Variants in SGTA observed in about 807,000 individuals in gnomAD.
SGTA encodes the protein small glutamine-rich tetratricopeptide repeat-containing protein alpha.
Under a neutral mutation model 44.3 loss-of-function variants are expected in SGTA, and 22 were observed. The observed-to-expected ratio is 0.50, with a 90% CI of 0.36 to 0.71. SGTA has a LOEUF of 0.71. SGTA is among the 30% of genes least tolerant of loss of function. The pLI is 0.00. For missense variants in SGTA, 341 were observed against 435.9 expected (o/e 0.78, Z 1.94); for synonymous variants, 174 against 177.6 (o/e 0.98, Z 0.16).
chr19:2,758,620 G>T (rs988905370), intron 9 of SGTA, among the ~76,000 whole-genome samples: 2 of 152,108 alleles, frequency 1.3e-5, no homozygotes, highest in Admixed American at 1.3e-4. Context: ...ATGAGCCAGC[G>T]AGTGCACTCA....
chr19:2,764,847 G>A (rs1435494568), intron 5 of SGTA, among the ~76,000 whole-genome samples: 6 of 152,110 alleles, frequency 3.9e-5, no homozygotes, highest in South Asian at 2.1e-4. Context: ...AATTACAGAC[G>A]TGAGCCACCG....
At chr19:2,762,679 C>T in intron 6 of SGTA, 35 bp from the exon 7 acceptor site, 5 of 1,610,216 alleles carry the variant, frequency 3.1e-6, no homozygotes, top group Non-Finnish European at 4.2e-6. Flanking sequence ...CTGTTCCCAT[C>T]TGCCCAGCTC....
At position 2,761,406 on chromosome 19, in the gene SGTA, G is replaced by A. The variant is rs114156667; in HGVS notation, c.699+54C>T. The A allele has an allele frequency of 1.6e-3, 2,283 of 1,448,330 alleles. 44 individuals are homozygous for A. In the African/African-American group the frequency reaches 0.028, roughly 18 times the overall value. The allele number at this position is 1,448,330 out of a possible 1,614,324, so 89.7% of individuals were successfully genotyped here. On this transcript the variant is annotated intron_variant, in intron 8 of 11. Transcript: ENST00000221566. The surrounding 1 kb of genome is among the most constrained non-coding windows in gnomAD (Gnocchi z 5.7). ...GGCCAGTAGCGGACACAGCAGATGC[G>A]GGCCTGGGGGGTGGCGCAGACACCA... is the stretch of plus-strand genomic sequence containing the variant.
chr19:2,763,619 G>A lies in SGTA; in HGVS notation c.497+34C>T. On this transcript the variant is annotated intron_variant, in intron 6 of 11. Coordinates refer to ENST00000221566, the MANE Select transcript of SGTA (RefSeq NM_003021.4). This position sits in a 1 kb window ranked among gnomAD's most constrained non-coding sequence, Gnocchi z 5.8. ...GAGCAGGAGAGGAGGGGTCCCGAGA[G>A]ACTGGAAAGGCGCGGCCGTGGACAG... 2 of 1,487,138 alleles carry A rather than the reference G, an allele frequency of 1.3e-6. No homozygotes were observed. The highest frequency in any genetic ancestry group is 1.2e-5 in the South Asian group (1 of 86,668). 92.1% of individuals were successfully genotyped at this position (1,487,138 alleles called of 1,614,324 possible). A position where few individuals can be genotyped will look rare whatever the true frequency, so the allele number is the denominator to read the frequency against.
In SGTA at chr19:2,765,376, C is replaced by A. The variant is rs1007657630; in HGVS notation, c.293-91G>T. ...GGAAAACACCGGCCTGGTGTCCACA[C>A]AGACCCGAGGGGGCGTCACACTTGG... On this transcript the variant is annotated intron_variant, in intron 4 of 11. Transcript: ENST00000221566. The surrounding 1 kb of genome is among the most constrained non-coding windows in gnomAD (Gnocchi z 5.5). The A allele has an allele frequency of 4.2e-6, 4 of 950,578 alleles. No individual in the cohort carries two copies. Among genetic ancestry groups the A allele is most frequent in the Middle Eastern group, 3.0e-4 (1 of 3,352 alleles). The allele number at this position is 950,578 out of a possible 1,614,324, so 58.9% of individuals were successfully genotyped here.
At chr19:2,764,796 C>T (rs1261204133) in intron 5 of SGTA, among the ~76,000 whole-genome samples, 2 of 152,042 alleles carry the variant, frequency 1.3e-5, no homozygotes, top group East Asian at 1.9e-4. Flanking sequence ...GAACTCTCAA[C>T]CTCAAGTGAT....
At chr19:2,781,287 C>A (rs992504965) in intron 1 of SGTA, among the ~76,000 whole-genome samples, 1 of 152,196 alleles carries the variant, frequency 6.6e-6, no homozygotes, top group Non-Finnish European at 1.5e-5. Flanking sequence ...AAATCCTTGG[C>A]GTGCTTACAG....
At chr19:2,768,065 C>T (rs768384959) in intron 2 of SGTA, among the ~76,000 whole-genome samples, 2 of 152,096 alleles carry the variant, frequency 1.3e-5, no homozygotes, top group Non-Finnish European at 2.9e-5. Context: ...CCTCCAAGGG[C>T]GCCTGGCCTG....
chr19:2,762,247 A>G (rs1354315568), intron 7 of SGTA, among the ~76,000 whole-genome samples: 2 of 151,980 alleles, frequency 1.3e-5, no homozygotes, highest in South Asian at 4.2e-4. Context: ...CAAAACCCAC[A>G]TCGAGGGTCC....
chr19:2,763,614 C>A lies in SGTA; in HGVS notation c.497+39G>T. On this transcript the variant is annotated intron_variant, in intron 6 of 11. Coordinates refer to ENST00000221566, the MANE Select transcript of SGTA (RefSeq NM_003021.4). This position sits in a 1 kb window ranked among gnomAD's most constrained non-coding sequence, Gnocchi z 5.8. ...AGCAGGAGCAGGAGAGGAGGGGTCC[C>A]GAGAGACTGGAAAGGCGCGGCCGTG... is the stretch of plus-strand genomic sequence containing the variant. 6.9e-7 allele frequency: 1 copy of A among 1,444,544 alleles called. No homozygotes were observed. The highest frequency in any genetic ancestry group is 9.6e-7 in the Non-Finnish European group (1 of 1,039,220). The allele number at this position is 1,444,544 out of a possible 1,614,324, so 89.5% of individuals were successfully genotyped here. A position where few individuals can be genotyped will look rare whatever the true frequency, so the allele number is the denominator to read the frequency against.
chr19:2,767,276 C>T lies in SGTA; in HGVS notation c.208-56G>A, dbSNP rs1010854651. On this transcript the variant is annotated intron_variant, in intron 3 of 11. Coordinates refer to ENST00000221566, the MANE Select transcript of SGTA (RefSeq NM_003021.4). The surrounding 1 kb of genome is among the most constrained non-coding windows in gnomAD (Gnocchi z 7.3). Reference sequence around the variant, plus strand: ...CCTCTCCTCCCAACCTGGCACCCTCCGGCCTTAGCTTCCCTCGGGACGCCA... The same window carrying T: ...CCTCTCCTCCCAACCTGGCACCCTCTGGCCTTAGCTTCCCTCGGGACGCCA... 5.3e-5 allele frequency: 74 copies of T among 1,399,378 alleles called. No homozygotes were observed. Among genetic ancestry groups the T allele is most frequent in the Non-Finnish European group, 7.2e-5 (73 of 1,010,338 alleles). The allele number at this position is 1,399,378 out of a possible 1,614,324, so 86.7% of individuals were successfully genotyped here. A position where few individuals can be genotyped will look rare whatever the true frequency, so the allele number is the denominator to read the frequency against.
intron 1 of SGTA, among the ~76,000 whole-genome samples, chr19:2,780,394 C>T (rs1599511080): frequency 6.6e-6 from 1 of 152,294 alleles, no homozygotes; most frequent in Non-Finnish European, 1.5e-5. Flanking sequence ...AGCCTACTTC[C>T]TTCTAAAATG....
At chr19:2,772,266 G>A (rs981137251) in intron 1 of SGTA, among the ~76,000 whole-genome samples, 4 of 152,240 alleles carry the variant, frequency 2.6e-5, no homozygotes, top group African/African-American at 4.8e-5. Flanking sequence ...GAGGAAGGGC[G>A]AGGCCTGAAG....
chr19:2,759,557 C>A (rs1451868165), intron 8 of SGTA: 5 of 499,036 alleles, frequency 1.0e-5, no homozygotes, highest in Non-Finnish European at 1.4e-5. Context: ...CGCTCTCTCA[C>A]TGGCTGCTGC....
At chr19:2,764,931 G>A (rs910761818) in intron 5 of SGTA, among the ~76,000 whole-genome samples, 2 of 151,984 alleles carry the variant, frequency 1.3e-5, no homozygotes, top group South Asian at 2.1e-4. Flanking sequence ...GGCTAGTCCC[G>A]AACTCCTAGC....
chr19:2,777,765 C>T (rs901583065), intron 1 of SGTA: 8 of 152,126 alleles, frequency 5.3e-5, no homozygotes, highest in Non-Finnish European at 1.0e-4. Flanking sequence ...AGAAACAAGA[C>T]CTGGGCCAGG....
At chr19:2,780,124 C>T (rs1348339981) in intron 1 of SGTA, among the ~76,000 whole-genome samples, 1 of 152,144 alleles carries the variant, frequency 6.6e-6, no homozygotes, top group Non-Finnish European at 1.5e-5. Flanking sequence ...ACCTCTCTTC[C>T]TTATTTCCCT....
rs184294239 is a variant in SGTA at position 2,772,502 on chromosome 19, C to T, written c.-23-3411G>A. ...GCCCCAGGGACCCTCTGCGCGCAGCCACGCTGACAGGCGGCTCCAGGGGCT... is the reference window on the plus strand; with the variant it reads ...GCCCCAGGGACCCTCTGCGCGCAGCTACGCTGACAGGCGGCTCCAGGGGCT... On this transcript the variant is annotated intron_variant, in intron 1 of 11. Coordinates refer to ENST00000221566, the MANE Select transcript of SGTA (RefSeq NM_003021.4). 4.2e-4 allele frequency among the ~76,000 whole-genome samples: 64 copies of T among 152,370 alleles called. 3 individuals are homozygous for T. The East Asian group carries it at 0.012, about 29-fold the overall frequency.
intron 1 of SGTA, among the ~76,000 whole-genome samples, chr19:2,771,650 A>G (rs183223552): frequency 6.0e-4 from 91 of 150,780 alleles, no homozygotes; most frequent in Admixed American, 2.7e-3. Context: ...AGGTACGTGG[A>G]CGGGTGCTGG....
Sources: gnomAD v4.1 joint callset for allele counts (sites outside exome capture counted in the v4.1 genomes callset) on GRCh38, gnomAD v4.1.1 for gene constraint, Gnocchi (gnomAD v3.1) non-coding constraint, MANE v1.5 for transcripts, NCBI Gene and HGNC (gene_info 2026-07-23, HGNC 2026-07-21) for gene names.